The following CHD5 variants were observed in gnomAD, a reference collection of about 807,000 sequenced individuals.
CHD5 encodes ATP-dependent chromatin remodeler CHD5.
A neutral mutation model predicts 230.3 loss-of-function variants in CHD5; 69 were observed. That is an observed-to-expected ratio of 0.30 (90% CI 0.25 to 0.37). The LOEUF (loss-of-function observed/expected upper bound fraction) is 0.37. CHD5 is among the 10% of genes least tolerant of loss of function. CHD5 has a pLI of 1.00. For missense variants in CHD5, 1,827 were observed against 2,622.8 expected, an observed-to-expected ratio of 0.70 and a Z score of 6.63; for synonymous variants, 1,064 against 1,065.9, an observed-to-expected ratio of 1.00 and a Z score of 0.03.
rs939768555 is a variant in CHD5, at chr1:6,128,748, G to C, written c.3619+90C>G. On this transcript the variant is annotated intron_variant, in intron 23 of 41. Transcript: ENST00000262450. This position sits in a 1 kb window ranked among gnomAD's most constrained non-coding sequence, Gnocchi z 7.8. ...GGTGCAGAAGAGAGGCTGTGTGTTG[G>C]AGCGGGCAGGGACCCAAGCAAGCCC... The C allele has an allele frequency of 1.6e-6, 2 of 1,285,710 alleles. No individual in the cohort carries two copies. The highest frequency in any genetic ancestry group is 1.5e-5 in the African/African-American group (1 of 68,304). 79.6% of individuals were successfully genotyped at this position (1,285,710 alleles called of 1,614,324 possible).
intron 1 of CHD5, among the ~76,000 whole-genome samples, chr1:6,168,567 T>A (rs1159948430): frequency 7.2e-5 from 11 of 152,200 alleles, no homozygotes; most frequent in Non-Finnish European, 7.3e-5. Context: ...TGAACCTCCA[T>A]GAACAACAAA....
chr1:6,109,099 CCCAGGAG>C (rs1666243541), intron 38 of CHD5, among the ~76,000 whole-genome samples: 1 of 152,072 alleles, frequency 6.6e-6, no homozygotes, highest in Non-Finnish European at 1.5e-5. Context: ...AAGAACTCCT[CCCAGGAG>C]CCCCTCTGGG....
Position 6,126,460 on chromosome 1 carries a change from G to A in CHD5, c.4078+112C>T, listed in dbSNP as rs1349103052. 3.1e-6 allele frequency: 2 copies of A among 642,322 alleles called. No individual in the cohort carries two copies. Among genetic ancestry groups the A allele is most frequent in the Non-Finnish European group, 5.6e-6 (2 of 355,972 alleles). 39.8% of individuals were successfully genotyped at this position (642,322 alleles called of 1,614,324 possible). On this transcript the variant is annotated intron_variant, in intron 26 of 41. Transcript: ENST00000262450. The surrounding 1 kb of genome is among the most constrained non-coding windows in gnomAD (Gnocchi z 5.7). Reference sequence around the variant, plus strand: ...CCATCCCTCCTGGCACACTCGCCCAGCTCTCCCGGCCCGCACCTCCCGGGG... The same window carrying A: ...CCATCCCTCCTGGCACACTCGCCCAACTCTCCCGGCCCGCACCTCCCGGGG...
intron 33 of CHD5, among the ~76,000 whole-genome samples, chr1:6,119,660 C>A (rs1666433682): frequency 6.6e-6 from 1 of 151,756 alleles, no homozygotes; most frequent in African/African-American, 2.4e-5. Context: ...AAAACTTGAA[C>A]AATATAATTA....
At chr1:6,163,853 G>A (rs1015577819) in intron 2 of CHD5, among the ~76,000 whole-genome samples, 17 of 152,168 alleles carry the variant, frequency 1.1e-4, no homozygotes, top group African/African-American at 3.1e-4. Flanking sequence ...GTTGGCCTTC[G>A]ACCTTGGCAC....
At chr1:6,113,488 G>C (rs1666327317) in intron 33 of CHD5, 1 of 241,904 alleles carries the variant, frequency 4.1e-6, no homozygotes, top group African/African-American at 2.3e-5. Flanking sequence ...GTGCCAGGAA[G>C]GAAGGGGAAA....
chr1:6,131,311 C>T lies in CHD5; in HGVS notation c.3262+320G>A, dbSNP rs1220325864. On this transcript the variant is annotated intron_variant, in intron 21 of 41. Coordinates refer to ENST00000262450, the MANE Select transcript of CHD5 (RefSeq NM_015557.3). This position sits in a 1 kb window ranked among gnomAD's most constrained non-coding sequence, Gnocchi z 5.0. ...GGTAGCACGTGCATCTCTGTACCTT[C>T]TGCCACCATTCACCATACGGCAGGC... 6.6e-6 allele frequency among the ~76,000 whole-genome samples: 1 copy of T among 152,230 alleles called. No homozygotes were observed. Among genetic ancestry groups the T allele is most frequent in the Non-Finnish European group, 1.5e-5 (1 of 68,032 alleles).
chr1:6,179,736 C>T lies in CHD5; in HGVS notation c.79+209G>A, dbSNP rs899379555. 3.6e-3 allele frequency among the ~76,000 whole-genome samples: 57 copies of T among 15,742 alleles called. 1 individual carries two copies. The highest frequency in any genetic ancestry group is 0.014 in the African/African-American group (52 of 3,750). 10.3% of individuals were successfully genotyped at this position (15,742 alleles called of 152,430 possible). A position where few individuals can be genotyped will look rare whatever the true frequency, so the allele number is the denominator to read the frequency against. ...GCCCGGATCGCACCCCGCCCTTAGCCGCCCTCACGCCGGCCCGGGCGCTCA... is the reference window on the plus strand; with the variant it reads ...GCCCGGATCGCACCCCGCCCTTAGCTGCCCTCACGCCGGCCCGGGCGCTCA... On this transcript the variant is annotated intron_variant, in intron 1 of 41. Transcript: ENST00000262450.
At position 6,121,674 on chromosome 1, in the gene CHD5, G is replaced by C. The variant is rs1269810305; in HGVS notation, c.4700-101C>G. ...GAGGAGAGATGGGGGCTTGGCCTTC[G>C]GGAGGCTCCACTGCAGCCAAGCACC... On this transcript the variant is annotated intron_variant, in intron 31 of 41. Coordinates refer to ENST00000262450, the MANE Select transcript of CHD5 (RefSeq NM_015557.3). This position sits in a 1 kb window ranked among gnomAD's most constrained non-coding sequence, Gnocchi z 4.5. 3.8e-6 allele frequency: 3 copies of C among 780,698 alleles called. No individual in the cohort carries two copies. Among genetic ancestry groups the C allele is most frequent in the Non-Finnish European group, 6.3e-6 (3 of 475,910 alleles). The allele number at this position is 780,698 out of a possible 1,614,324, so 48.4% of individuals were successfully genotyped here.
At chr1:6,148,685 T>G (rs1330076461) in intron 9 of CHD5, among the ~76,000 whole-genome samples, 169 bp downstream of exon 9, 1 of 152,058 alleles carries the variant, frequency 6.6e-6, no homozygotes, top group Admixed American at 6.5e-5. Context: ...GAAGCTATTG[T>G]GGACGGGGTC....
intron 1 of CHD5, among the ~76,000 whole-genome samples, chr1:6,171,601 T>C (rs1424296422): frequency 6.6e-6 from 1 of 152,178 alleles, no homozygotes; most frequent in African/African-American, 2.4e-5. Context: ...GGTCCTGAGC[T>C]TTCTAAAACC....
In CHD5 at chr1:6,131,559, G is replaced by A; in HGVS notation, c.3262+72C>T. 1.1e-6 allele frequency: 1 copy of A among 871,738 alleles called. No individual in the cohort carries two copies. The highest frequency in any genetic ancestry group is 1.5e-5 in the South Asian group (1 of 68,414). The allele number at this position is 871,738 out of a possible 1,614,324, so 54.0% of individuals were successfully genotyped here. ...AACACAACACCAGCTGGGTGACCTG[G>A]CTAAGAACCAGGCCTGGGAGAAGAG... On this transcript the variant is annotated intron_variant, in intron 21 of 41. Coordinates refer to ENST00000262450, the MANE Select transcript of CHD5 (RefSeq NM_015557.3). This position sits in a 1 kb window ranked among gnomAD's most constrained non-coding sequence, Gnocchi z 5.0.
chr1:6,111,996 A>G, intron 35 of CHD5, 113 bp from the exon 36 acceptor site: 1 of 1,371,556 alleles, frequency 7.3e-7, no homozygotes, highest in Non-Finnish European at 1.0e-6. Context: ...CCAGAGGTCC[A>G]GTGTTCCAGG....
At position 6,125,728 on chromosome 1, in the gene CHD5, C is replaced by T. The variant is rs1227895451; in HGVS notation, c.4171+38G>A. On this transcript the variant is annotated intron_variant, in intron 27 of 41. Transcript: ENST00000262450. This position sits in a 1 kb window ranked among gnomAD's most constrained non-coding sequence, Gnocchi z 6.7. ...GCTGCCATCAGCTCCCCTGACATGGCCTCAGCAGTAGCCCAGACCACTAAC... is the reference window on the plus strand; with the variant it reads ...GCTGCCATCAGCTCCCCTGACATGGTCTCAGCAGTAGCCCAGACCACTAAC... 1 of 1,590,804 alleles carries T rather than the reference C, an allele frequency of 6.3e-7. No individual in the cohort carries two copies. Among genetic ancestry groups the T allele is most frequent in the Non-Finnish European group, 8.6e-7 (1 of 1,158,962 alleles).
chr1:6,131,784 G>C lies in CHD5; in HGVS notation c.3145-36C>G. ...GACGGGCACGTGAGGAACTGCCAAG[G>C]AGCAAGGGGCCCCATGGGCCATGGG... On this transcript the variant is annotated intron_variant, in intron 20 of 41. Coordinates refer to ENST00000262450, the MANE Select transcript of CHD5 (RefSeq NM_015557.3). The surrounding 1 kb of genome is among the most constrained non-coding windows in gnomAD (Gnocchi z 5.0). 2 of 1,457,766 alleles carry C rather than the reference G, an allele frequency of 1.4e-6. No individual in the cohort carries two copies. Among genetic ancestry groups the C allele is most frequent in the Non-Finnish European group, 1.9e-6 (2 of 1,041,694 alleles). 90.3% of individuals were successfully genotyped at this position (1,457,766 alleles called of 1,614,324 possible).
chr1:6,165,675 C>A (rs1201964095), intron 2 of CHD5, among the ~76,000 whole-genome samples: 1 of 151,670 alleles, frequency 6.6e-6, no homozygotes, highest in East Asian at 1.9e-4. Context: ...GAGCCATCTA[C>A]CCCATGCCCA....
rs542009876 is a variant in CHD5, at chr1:6,118,882, G to A, written c.4912+2223C>T. ...CCAGCTGATTTTTGTATTTTTAGTA[G>A]AGACAGGGTTTCACCATGTCGGCCA... On this transcript the variant is annotated intron_variant, in intron 33 of 41. Coordinates refer to ENST00000262450, the MANE Select transcript of CHD5 (RefSeq NM_015557.3). Among the ~76,000 whole-genome samples, 7 of 151,854 alleles carry A rather than the reference G, an allele frequency of 4.6e-5. No individual in the cohort carries two copies. In the East Asian group the frequency reaches 1.4e-3, roughly 29 times the overall value.
chr1:6,121,419 A>C lies in CHD5; in HGVS notation c.4779+75T>G. The C allele has an allele frequency of 6.7e-7, 1 of 1,490,042 alleles. No individual in the cohort carries two copies. 92.3% of individuals were successfully genotyped at this position (1,490,042 alleles called of 1,614,324 possible). ...AGGCCTGGGTTCCACCTCGCTGTAC[A>C]GGGCCTGAGAAGGTCCCCAGACCCA... is the stretch of plus-strand genomic sequence containing the variant. On this transcript the variant is annotated intron_variant, in intron 32 of 41. Coordinates refer to ENST00000262450, the MANE Select transcript of CHD5 (RefSeq NM_015557.3). This position sits in a 1 kb window ranked among gnomAD's most constrained non-coding sequence, Gnocchi z 4.5.
intron 1 of CHD5, among the ~76,000 whole-genome samples, chr1:6,178,160 G>A (rs1667453669): frequency 1.3e-5 from 2 of 152,152 alleles, no homozygotes; most frequent in African/African-American, 4.8e-5. Flanking sequence ...AGGGCTCTGG[G>A]GGCACTCCTG....
Sources: gnomAD v4.1 joint callset for allele counts (sites outside exome capture counted in the v4.1 genomes callset) on GRCh38, gnomAD v4.1.1 for gene constraint, Gnocchi (gnomAD v3.1) non-coding constraint, MANE v1.5 for transcripts, NCBI Gene and HGNC (gene_info 2026-07-23, HGNC 2026-07-21) for gene names.